TRERF1: variants seen among roughly 807,000 people sequenced by gnomAD.
TRERF1 encodes transcriptional regulating factor 1, also known as transcriptional-regulating factor 1.
In TRERF1, 27 loss-of-function variants were observed where a neutral mutation model predicts 122.9. The ratio of observed to expected loss-of-function variants is 0.22; its 90% CI spans 0.16 to 0.30. TRERF1 has a LOEUF of 0.30. TRERF1 is among the 10% of genes least tolerant of loss of function. TRERF1 has a pLI of 1.00. For missense variants in TRERF1, 1,248 were observed against 1,560.3 expected (o/e 0.80, Z 3.37); for synonymous variants, 636 against 641.7 (o/e 0.99, Z 0.13).
intron 4 of TRERF1, among the ~76,000 whole-genome samples, chr6:42,279,904 T>C (rs1781992122): frequency 6.6e-6 from 1 of 152,098 alleles, no homozygotes; most frequent in Admixed American, 6.5e-5. Flanking sequence ...ACCACTCCCC[T>C]TTTTTTCTGG....
intron 3 of TRERF1, among the ~76,000 whole-genome samples, chr6:42,304,922 G>A (rs1786896182): frequency 6.6e-6 from 1 of 152,198 alleles, no homozygotes. Flanking sequence ...TCTAATTCCA[G>A]CTCCACCATA....
At position 42,265,990 on chromosome 6, in the gene TRERF1, T is replaced by G. The variant is rs553643971; in HGVS notation, c.1438-193A>C. Among the ~76,000 whole-genome samples, 11 of 152,220 alleles carry G rather than the reference T, an allele frequency of 7.2e-5. No homozygotes were observed. In the South Asian group the frequency reaches 2.3e-3, roughly 32 times the overall value. On this transcript the variant is annotated intron_variant, in intron 5 of 17. Transcript: ENST00000372922. ...TTGACTTCTGTCCCTGAATTGCTCC[T>G]TGACTTGGGACCACCGCCCCACTCC...
intron 2 of TRERF1, among the ~76,000 whole-genome samples, chr6:42,420,924 T>C (rs1156639016): frequency 6.6e-6 from 1 of 152,200 alleles, no homozygotes; most frequent in East Asian, 1.9e-4. Flanking sequence ...CTTCCCGCTT[T>C]TTCAGCCCTT....
chr6:42,293,296 G>A lies in TRERF1; in HGVS notation c.-259+7342C>T, dbSNP rs1582864742. 2.0e-5 allele frequency among the ~76,000 whole-genome samples: 3 copies of A among 152,338 alleles called. No individual in the cohort carries two copies. The South Asian group carries it at 6.2e-4, about 32-fold the overall frequency. On this transcript the variant is annotated intron_variant, in intron 4 of 17. Transcript: ENST00000372922. ...TTATTTCCACCTTGAGATAAGCTAT[G>A]GAAGCTCCGAGGGAGGAAGAGAGAG...
At chr6:42,379,768 C>A (rs1378298546) in intron 2 of TRERF1, among the ~76,000 whole-genome samples, 1 of 152,138 alleles carries the variant, frequency 6.6e-6, no homozygotes, top group Non-Finnish European at 1.5e-5. Flanking sequence ...TGAGCCCAAG[C>A]GATCCACCCA....
intron 2 of TRERF1, among the ~76,000 whole-genome samples, chr6:42,377,266 T>C (rs1219916925): frequency 6.6e-6 from 1 of 152,226 alleles, no homozygotes; most frequent in African/African-American, 2.4e-5. Flanking sequence ...CAACTACTAC[T>C]ATGACTACTT....
At chr6:42,234,253 C>T (rs997708558) in intron 16 of TRERF1, among the ~76,000 whole-genome samples, 13 of 152,148 alleles carry the variant, frequency 8.5e-5, no homozygotes, top group African/African-American at 2.4e-4. Context: ...TTAAACTCAT[C>T]AGCTAAGGGG....
chr6:42,448,570 G>A (rs748604234), intron 2 of TRERF1, among the ~76,000 whole-genome samples: 3 of 152,180 alleles, frequency 2.0e-5, no homozygotes, highest in African/African-American at 4.8e-5. Flanking sequence ...GCAATTGGCC[G>A]TTGGCTCAGG....
intron 2 of TRERF1, among the ~76,000 whole-genome samples, chr6:42,447,074 G>A (rs372496791): frequency 5.9e-5 from 9 of 152,128 alleles, no homozygotes; most frequent in African/African-American, 2.2e-4. Flanking sequence ...TTAGGCACAC[G>A]GGTTCTTTGT....
At chr6:42,325,159 C>G (rs1401533990) in intron 3 of TRERF1, among the ~76,000 whole-genome samples, 1 of 152,180 alleles carries the variant, frequency 6.6e-6, no homozygotes, top group Non-Finnish European at 1.5e-5. Flanking sequence ...AAAAAATGCT[C>G]AACATCGCTA....
intron 2 of TRERF1, among the ~76,000 whole-genome samples, chr6:42,366,478 A>T (rs1257002351): frequency 6.6e-6 from 1 of 151,368 alleles, no homozygotes; most frequent in Non-Finnish European, 1.5e-5. Flanking sequence ...CCTAACATCC[A>T]CTCTAACGGG....
At chr6:42,329,195 C>T (rs1450014848) in intron 3 of TRERF1, among the ~76,000 whole-genome samples, 1 of 152,000 alleles carries the variant, frequency 6.6e-6, no homozygotes, top group Non-Finnish European at 1.5e-5. Flanking sequence ...TTGGTCAGAA[C>T]GGACTTGGAC....
chr6:42,395,853 T>C (rs1156734007), intron 2 of TRERF1, among the ~76,000 whole-genome samples: 1 of 151,774 alleles, frequency 6.6e-6, no homozygotes. Flanking sequence ...AGCACGGCCT[T>C]AACAAATGCG....
chr6:42,425,379 G>T (rs115429010), intron 2 of TRERF1, among the ~76,000 whole-genome samples: 3,783 of 149,876 alleles, frequency 0.025, 79 homozygotes, highest in Non-Finnish European at 0.031. Context: ...ACATTTTACA[G>T]CAAAGAAAAC....
chr6:42,278,377 T>C (rs1430437286), intron 4 of TRERF1, among the ~76,000 whole-genome samples: 3 of 152,214 alleles, frequency 2.0e-5, no homozygotes, highest in African/African-American at 7.2e-5. Flanking sequence ...GAGACTAGAA[T>C]GGAACAAACT....
intron 15 of TRERF1, among the ~76,000 whole-genome samples, chr6:42,238,423 G>A (rs7742295): frequency 6.6e-6 from 1 of 152,088 alleles, no homozygotes; most frequent in Non-Finnish European, 1.5e-5. Context: ...ATCACAAAAT[G>A]ATTTACCATC....
At position 42,253,409 on chromosome 6, in the gene TRERF1, G is replaced by T. The variant is rs940301288; in HGVS notation, c.2656+1442C>A. 2.0e-5 allele frequency among the ~76,000 whole-genome samples: 3 copies of T among 152,314 alleles called. No individual in the cohort carries two copies. The East Asian group carries it at 5.8e-4, about 29-fold the overall frequency. The stretch of plus-strand genomic sequence containing the variant: ...GCAAAGAAGCTTGAGACAGCCTCCA[G>T]GAGGCTGGACAGCCTCTCAGGGTTC... On this transcript the variant is annotated intron_variant, in intron 13 of 17. Transcript: ENST00000372922.
At chr6:42,318,932 A>G (rs1054278564) in intron 3 of TRERF1, among the ~76,000 whole-genome samples, 2 of 152,172 alleles carry the variant, frequency 1.3e-5, no homozygotes. Context: ...TACATTTCCC[A>G]TCTCCTCCTG....
chr6:42,422,997 G>A (rs1014545859), intron 2 of TRERF1, among the ~76,000 whole-genome samples: 2 of 152,112 alleles, frequency 1.3e-5, no homozygotes, highest in African/African-American at 4.8e-5. Flanking sequence ...GCGCCACCAC[G>A]CCTGGCTAAT....
Sources: allele counts gnomAD v4.1 joint callset (sites outside exome capture counted in the v4.1 genomes callset), GRCh38; gene constraint gnomAD v4.1.1; transcripts MANE v1.5; gene names NCBI Gene and HGNC (gene_info 2026-07-23, HGNC 2026-07-21).